Variants in SORCS1 observed in about 807,000 individuals in gnomAD.
SORCS1 encodes sortilin related VPS10 domain containing receptor 1, also known as VPS10 domain-containing receptor SorCS1.
Under a neutral mutation model 146.1 loss-of-function variants are expected in SORCS1, and 60 were observed. The observed-to-expected ratio is 0.41, with a 90% CI of 0.33 to 0.51. The LOEUF (loss-of-function observed/expected upper bound fraction) is 0.51, where lower values mean the gene tolerates loss of function less well. Among genes scored for constraint, SORCS1 ranks in the 20% least tolerant of loss-of-function variants. The probability of loss-of-function intolerance (pLI) is 0.21; values close to 1 mark genes in which losing one functional copy is unlikely to be tolerated. For missense variants in SORCS1, 1,352 were observed against 1,487.6 expected (o/e 0.91, Z 1.50); for synonymous variants, 637 against 584.0 (o/e 1.09, Z -1.31).
At chr10:106,996,523 C>A (rs1957013459) in intron 1 of SORCS1, among the ~76,000 whole-genome samples, 1 of 152,120 alleles carries the variant, frequency 6.6e-6, no homozygotes, top group Admixed American at 6.5e-5. Context: ...AACCTTGGCC[C>A]CTAGGATCCT....
intron 2 of SORCS1, among the ~76,000 whole-genome samples, chr10:106,847,908 T>G (rs1181726156): frequency 1.3e-5 from 2 of 150,854 alleles, no homozygotes; most frequent in Non-Finnish European, 2.9e-5. Context: ...AGTGAGATTC[T>G]TAATCCTGAA....
chr10:107,120,068 C>T (rs1434071947), intron 1 of SORCS1, among the ~76,000 whole-genome samples: 2 of 152,080 alleles, frequency 1.3e-5, no homozygotes, highest in Non-Finnish European at 1.5e-5. Flanking sequence ...GGCTTTCCAT[C>T]ATGGCCTGCC....
intron 1 of SORCS1, among the ~76,000 whole-genome samples, chr10:107,131,321 C>CT (rs1966866805): frequency 6.6e-6 from 1 of 152,214 alleles, no homozygotes; most frequent in Non-Finnish European, 1.5e-5. Context: ...AGTCTTACCT[C>CT]TTTTTTCTAA....
chr10:106,840,840 A>ATT (rs201260571), intron 2 of SORCS1, among the ~76,000 whole-genome samples: 4,393 of 133,304 alleles, frequency 0.033, 179 homozygotes, highest in African/African-American at 0.11. Flanking sequence ...TTTTAGTTAT[A>ATT]TTATATATAT....
intron 1 of SORCS1, among the ~76,000 whole-genome samples, chr10:107,093,195 A>G (rs1487749003): frequency 1.3e-5 from 2 of 152,150 alleles, no homozygotes; most frequent in Non-Finnish European, 2.9e-5. Flanking sequence ...CCCAAAATGT[A>G]TGACTGATTT....
intron 1 of SORCS1, among the ~76,000 whole-genome samples, chr10:107,112,176 T>C (rs1161862889): frequency 1.3e-5 from 2 of 151,928 alleles, no homozygotes; most frequent in Non-Finnish European, 2.9e-5. Context: ...AAAAAAACTA[T>C]AGCTATAATA....
At chr10:106,717,653 A>C (rs999063920) in intron 6 of SORCS1, among the ~76,000 whole-genome samples, 5 of 152,248 alleles carry the variant, frequency 3.3e-5, no homozygotes, top group Non-Finnish European at 5.9e-5. Flanking sequence ...ATGAAACTAA[A>C]AACTGGGAAC....
rs1851189884 is a variant in SORCS1, at chr10:106,666,766, A to G, written c.2303+923T>C. Among the ~76,000 whole-genome samples the G allele has an allele frequency of 4.6e-5, 7 of 150,550 alleles. No homozygotes were observed. In the South Asian group the frequency reaches 1.5e-3, roughly 32 times the overall value. The stretch of plus-strand genomic sequence containing the variant: ...TTTTTAGTAGAGATGGGGTTTCACC[A>G]TGTTGGCCAGGCTGCTCTCACACTC... On this transcript the variant is annotated intron_variant, in intron 17 of 25. Coordinates refer to ENST00000263054, the MANE Select transcript of SORCS1 (RefSeq NM_052918.5).
At chr10:106,900,494 C>T (rs1951659924) in intron 2 of SORCS1, among the ~76,000 whole-genome samples, 1 of 152,098 alleles carries the variant, frequency 6.6e-6, no homozygotes, top group Non-Finnish European at 1.5e-5. Flanking sequence ...CTGTAGCAGC[C>T]CTCAACCAAT....
At chr10:107,049,477 G>A (rs1474132065) in intron 1 of SORCS1, among the ~76,000 whole-genome samples, 1 of 152,010 alleles carries the variant, frequency 6.6e-6, no homozygotes, top group African/African-American at 2.4e-5. Flanking sequence ...CAAAATTTCA[G>A]CCATCTAAGA....
intron 1 of SORCS1, among the ~76,000 whole-genome samples, chr10:107,079,954 AGAGATT>A (rs1309404275): frequency 6.6e-6 from 1 of 152,256 alleles, no homozygotes; most frequent in Non-Finnish European, 1.5e-5. Context: ...AAAAAACAAG[AGAGATT>A]TAGCTTTCAA....
At chr10:107,006,749 G>A (rs557837201) in intron 1 of SORCS1, among the ~76,000 whole-genome samples, 15 of 152,278 alleles carry the variant, frequency 9.9e-5, no homozygotes, top group Admixed American at 3.3e-4. Context: ...CCTGGGAGGC[G>A]GAGCTTGCAG....
At chr10:106,700,808 C>T (rs986799029) in intron 8 of SORCS1, among the ~76,000 whole-genome samples, 4 of 152,184 alleles carry the variant, frequency 2.6e-5, no homozygotes, top group African/African-American at 9.7e-5. Flanking sequence ...ATATTCCTCA[C>T]CTCTACTCAG....
intron 19 of SORCS1, among the ~76,000 whole-genome samples, chr10:106,621,130 G>A (rs1322112829): frequency 3.3e-5 from 5 of 152,228 alleles, no homozygotes; most frequent in African/African-American, 1.2e-4. Flanking sequence ...ATTCAGGACA[G>A]AGGTGTGTGT....
intron 2 of SORCS1, among the ~76,000 whole-genome samples, chr10:106,838,613 T>C (rs1433520049): frequency 6.6e-6 from 1 of 152,224 alleles, no homozygotes; most frequent in East Asian, 1.9e-4. Flanking sequence ...CCCTAACCCA[T>C]ACTAACCACT....
chr10:106,980,972 G>A (rs1442096167), intron 1 of SORCS1, among the ~76,000 whole-genome samples: 2 of 151,536 alleles, frequency 1.3e-5, no homozygotes, highest in Non-Finnish European at 2.9e-5. Flanking sequence ...TTGAACTGAA[G>A]GTTTCATTTG....
intron 3 of SORCS1, among the ~76,000 whole-genome samples, chr10:106,798,899 C>T (rs974634611): frequency 6.6e-6 from 1 of 152,112 alleles, no homozygotes; most frequent in Non-Finnish European, 1.5e-5. Flanking sequence ...CATATGGAAC[C>T]ATAAAAGAGC....
In SORCS1 at chr10:106,672,984, C is replaced by G. The variant is rs763940656; in HGVS notation, c.1942G>C (p.Val648Leu). The G allele has an allele frequency of 1.2e-6, 2 of 1,611,378 alleles. No individual in the cohort carries two copies. The highest frequency in any genetic ancestry group is 1.7e-6 in the Non-Finnish European group (2 of 1,177,740). The change falls in exon 15 of 26, where the codon GTG (valine) becomes CTG (leucine). Residue 648 changes from valine (V) to leucine (L), a missense_variant and splice_region_variant. Around this residue, in one of 3 missense-constraint regions of SORCS1, gnomAD observed 648 missense variants for 793.8 expected, o/e 0.82. Transcript: ENST00000263054. ...EPGEETLIMT[V>L]FGHFSHRSEW... ...GAGCGGTGGCTGAAGTGTCCAAACA[C>G]TCTACAGAGTTCATGGTGATAAAAA...
At chr10:106,859,455 G>A (rs570940550) in intron 2 of SORCS1, among the ~76,000 whole-genome samples, 1 of 152,038 alleles carries the variant, frequency 6.6e-6, no homozygotes, top group African/African-American at 2.4e-5. Context: ...GTGTGGCGGC[G>A]CGATGTTGGC....
Sources: gnomAD v4.1 joint callset for allele counts (sites outside exome capture counted in the v4.1 genomes callset) on GRCh38, gnomAD v4.1.1 for gene constraint, gnomAD v4.1.1 regional missense constraint, MANE v1.5 for transcripts, NCBI Gene and HGNC (gene_info 2026-07-23, HGNC 2026-07-21) for gene names.